The following CDYL2 variants were observed in gnomAD, a reference collection of about 807,000 sequenced individuals.
CDYL2 encodes chromodomain Y-like protein 2.
Under a neutral mutation model 49.4 loss-of-function variants are expected in CDYL2, and 23 were observed. That is an observed-to-expected ratio of 0.47 (90% confidence interval 0.34 to 0.66). CDYL2 has a LOEUF of 0.66. Among genes scored for constraint, CDYL2 ranks in the 30% least tolerant of loss-of-function variants. The pLI, the probability that CDYL2 is intolerant of heterozygous loss-of-function variation, is 0.01. For synonymous variants in CDYL2, 360 were observed against 268.8 expected (o/e 1.34, Z -3.32); for missense variants, 678 against 656.4 (o/e 1.03, Z -0.36).
chr16:80,624,101 A>G (rs1907202037), intron 3 of CDYL2, among the ~76,000 whole-genome samples: 1 of 152,160 alleles, frequency 6.6e-6, no homozygotes, highest in Non-Finnish European at 1.5e-5. Context: ...ACAACCTTGC[A>G]GCAACACTGC....
intron 2 of CDYL2, among the ~76,000 whole-genome samples, chr16:80,650,426 G>C (rs145684121): frequency 6.6e-6 from 1 of 152,030 alleles, no homozygotes; most frequent in Non-Finnish European, 1.5e-5. Context: ...TCATCTCACC[G>C]CATTTTATGT....
chr16:80,743,180 C>A (rs1361515192), intron 1 of CDYL2, among the ~76,000 whole-genome samples: 1 of 152,128 alleles, frequency 6.6e-6, no homozygotes, highest in Non-Finnish European at 1.5e-5. Context: ...AGGCAAACCT[C>A]CAGGTTCCAT....
chr16:80,775,123 T>C (rs1313769778), intron 1 of CDYL2, among the ~76,000 whole-genome samples: 2 of 151,906 alleles, frequency 1.3e-5, no homozygotes, highest in Admixed American at 6.6e-5. Flanking sequence ...AAAATGCCCA[T>C]GCACAGTCCC....
rs1163118615 is a variant in CDYL2, at chr16:80,603,777, T to A, written c.*611A>T. On this transcript the variant is annotated 3_prime_UTR_variant, in exon 7 of 7. Coordinates refer to ENST00000570137, the MANE Select transcript of CDYL2 (RefSeq NM_152342.4). ...ATTATCAGAATTTCCACTTACATTG[T>A]TTTAAAAATATATATTTAACAAAAC... 2 of 152,720 alleles carry A rather than the reference T, an allele frequency of 1.3e-5. No individual in the cohort carries two copies. Among genetic ancestry groups the A allele is most frequent in the Non-Finnish European group, 2.9e-5 (2 of 68,064 alleles). 9.5% of individuals were successfully genotyped at this position (152,720 alleles called of 1,614,324 possible).
chr16:80,770,072 T>C (rs1038773300), intron 1 of CDYL2, among the ~76,000 whole-genome samples: 1 of 152,036 alleles, frequency 6.6e-6, no homozygotes, highest in Non-Finnish European at 1.5e-5. Flanking sequence ...AATGTGTTAA[T>C]TAAAAGACGA....
intron 3 of CDYL2, among the ~76,000 whole-genome samples, chr16:80,629,257 G>A (rs1037829453): frequency 1.3e-5 from 2 of 152,204 alleles, no homozygotes; most frequent in Non-Finnish European, 1.5e-5. Context: ...TACAGGGCAG[G>A]AAGCATGAAA....
chr16:80,617,819 T>C (rs909860276), intron 4 of CDYL2, among the ~76,000 whole-genome samples: 11 of 152,294 alleles, frequency 7.2e-5, no homozygotes, highest in African/African-American at 2.6e-4. Flanking sequence ...GAATCTTGCG[T>C]TTCTCTTAGT....
chr16:80,621,816 T>C (rs74028335), intron 3 of CDYL2, among the ~76,000 whole-genome samples: 3,053 of 152,200 alleles, frequency 0.02, 122 homozygotes, highest in African/African-American at 0.071. Flanking sequence ...GATTTTTAGG[T>C]CTCTATGACC....
chr16:80,633,726 G>A (rs930553272), intron 2 of CDYL2, among the ~76,000 whole-genome samples: 2 of 152,134 alleles, frequency 1.3e-5, no homozygotes, highest in Non-Finnish European at 2.9e-5. Flanking sequence ...ACCCCCCTAG[G>A]GCTTCCTCAG....
intron 1 of CDYL2, among the ~76,000 whole-genome samples, chr16:80,747,732 A>G (rs1454509623): frequency 2.6e-5 from 4 of 152,092 alleles, no homozygotes; most frequent in African/African-American, 9.7e-5. Context: ...ACCCCTCTAG[A>G]ACCACTGAGT....
intron 2 of CDYL2, among the ~76,000 whole-genome samples, chr16:80,666,622 G>A (rs938441585): frequency 6.6e-6 from 1 of 152,180 alleles, no homozygotes; most frequent in African/African-American, 2.4e-5. Flanking sequence ...GAATCCTGTC[G>A]TTGCTGTGAA....
intron 2 of CDYL2, chr16:80,670,827 T>G: frequency 2.2e-6 from 1 of 445,506 alleles, no homozygotes; most frequent in South Asian, 1.6e-5. Flanking sequence ...CACACCACAG[T>G]CGGGTTGCAC....
chr16:80,757,538 CAAA>C lies in CDYL2; in HGVS notation c.24+46609_24+46611del, dbSNP rs35826810. On this transcript the variant is annotated intron_variant, in intron 1 of 6. Transcript: ENST00000570137. Reference sequence around the variant, plus strand: ...TGAGTGACAGAGCAAGACTCTGTCTCAAAAAAAAAAAAAAAATATATATATATA... The same window carrying C: ...TGAGTGACAGAGCAAGACTCTGTCTCAAAAAAAAAAAAATATATATATATA... Among the ~76,000 whole-genome samples the C allele has an allele frequency of 8.6e-3, 849 of 98,350 alleles. 7 individuals are homozygous for C. The highest frequency in any genetic ancestry group is 0.023 in the African/African-American group (796 of 34,496). 64.5% of individuals were successfully genotyped at this position (98,350 alleles called of 152,430 possible). A position where few individuals can be genotyped will look rare whatever the true frequency, so the allele number is the denominator to read the frequency against.
intron 2 of CDYL2, among the ~76,000 whole-genome samples, chr16:80,659,235 T>C (rs1032229716): frequency 2.0e-5 from 3 of 152,192 alleles, no homozygotes; most frequent in African/African-American, 7.2e-5. Flanking sequence ...CTAGCTTGTA[T>C]TCTTCAAAAA....
rs375920863 is a variant in CDYL2 at position 80,763,789 on chromosome 16, A to G, written c.24+40361T>C. On this transcript the variant is annotated intron_variant, in intron 1 of 6. Coordinates refer to ENST00000570137, the MANE Select transcript of CDYL2 (RefSeq NM_152342.4). ...ACCAAATGTTTACTGAAGCATTAAC[A>G]CTAGGTACTGCTGTATCAAAAAACA... is the stretch of plus-strand genomic sequence containing the variant. 4.4e-4 allele frequency among the ~76,000 whole-genome samples: 67 copies of G among 152,362 alleles called. No individual in the cohort carries two copies. The Middle Eastern group carries it at 0.01, about 23-fold the overall frequency.
chr16:80,601,567 T>C lies in CDYL2; in HGVS notation c.*2821A>G, dbSNP rs1906086167. 1 of 152,160 alleles carries C rather than the reference T, an allele frequency of 6.6e-6. No homozygotes were observed. Among genetic ancestry groups the C allele is most frequent in the Non-Finnish European group, 1.5e-5 (1 of 68,052 alleles). The allele number at this position is 152,160 out of a possible 1,614,324, so 9.4% of individuals were successfully genotyped here. On this transcript the variant is annotated 3_prime_UTR_variant, in exon 7 of 7. Coordinates refer to ENST00000570137, the MANE Select transcript of CDYL2 (RefSeq NM_152342.4). ...AGATCAAAAATGAAAGTCTGAGCTCTGTCTCAGGAAAGCTATTAGGATAAA... is the reference window on the plus strand; with the variant it reads ...AGATCAAAAATGAAAGTCTGAGCTCCGTCTCAGGAAAGCTATTAGGATAAA...
At position 80,603,851 on chromosome 16, in the gene CDYL2, T is replaced by G. The variant is rs1453761512; in HGVS notation, c.*537A>C. The G allele has an allele frequency of 6.5e-6, 1 of 153,312 alleles. No homozygotes were observed. The highest frequency in any genetic ancestry group is 1.5e-5 in the Non-Finnish European group (1 of 68,516). The allele number at this position is 153,312 out of a possible 1,614,324, so 9.5% of individuals were successfully genotyped here. A position where few individuals can be genotyped will look rare whatever the true frequency, so the allele number is the denominator to read the frequency against. The stretch of plus-strand genomic sequence containing the variant: ...GTTTGCAAATCACTCAATTGGGTTT[T>G]AAGACCAAGCCCTAATAGTCACACA... On this transcript the variant is annotated 3_prime_UTR_variant, in exon 7 of 7. Coordinates refer to ENST00000570137, the MANE Select transcript of CDYL2 (RefSeq NM_152342.4).
chr16:80,659,252 C>T (rs1487371185), intron 2 of CDYL2, among the ~76,000 whole-genome samples: 3 of 152,006 alleles, frequency 2.0e-5, no homozygotes, highest in Admixed American at 6.5e-5. Context: ...AAAATGTCAG[C>T]GTCATTAAAA....
At chr16:80,733,885 T>C (rs1905421018) in intron 1 of CDYL2, among the ~76,000 whole-genome samples, 1 of 152,148 alleles carries the variant, frequency 6.6e-6, no homozygotes, top group African/African-American at 2.4e-5. Flanking sequence ...AAAATATAAA[T>C]TGTATTGTCT....
Sources: allele counts gnomAD v4.1 joint callset (sites outside exome capture counted in the v4.1 genomes callset), GRCh38; gene constraint gnomAD v4.1.1; transcripts MANE v1.5; gene names NCBI Gene and HGNC (gene_info 2026-07-23, HGNC 2026-07-21).